The following PDS5B variants were observed in gnomAD, a reference collection of about 807,000 sequenced individuals.
The protein encoded by PDS5B is sister chromatid cohesion protein PDS5 homolog B.
Under a neutral mutation model 184.1 loss-of-function variants are expected in PDS5B, and 51 were observed. The observed-to-expected ratio is 0.28, with a 90% CI of 0.22 to 0.35. The LOEUF is 0.35. Ranked by LOEUF, PDS5B falls within the 10% of genes least tolerant of loss-of-function variation. The pLI, the probability that PDS5B is intolerant of heterozygous loss-of-function variation, is 1.00. For missense variants in PDS5B, 1,180 were observed against 1,723.3 expected (o/e 0.68, Z 5.58); for synonymous variants, 566 against 569.2 (o/e 0.99, Z 0.08).
chr13:32,716,628 C>A (rs1186583825), intron 19 of PDS5B, among the ~76,000 whole-genome samples: 1 of 146,678 alleles, frequency 6.8e-6, no homozygotes, highest in East Asian at 2.1e-4. Flanking sequence ...GGGGGTCAGC[C>A]CCCCGCCCGG....
intron 19 of PDS5B, among the ~76,000 whole-genome samples, chr13:32,723,128 C>CTATACATACAT (rs1491263429): frequency 6.6e-6 from 1 of 152,124 alleles, no homozygotes; most frequent in African/African-American, 2.4e-5. Flanking sequence ...TATACATACA[C>CTATACATACAT]TGAGAGCTAT....
At position 32,699,130 on chromosome 13, in the gene PDS5B, C is replaced by G. The variant is rs573292304; in HGVS notation, c.1601-600C>G. Among the ~76,000 whole-genome samples the G allele has an allele frequency of 3.9e-5, 6 of 152,274 alleles. No homozygotes were observed. In the South Asian group the frequency reaches 6.2e-4, roughly 16 times the overall value. On this transcript the variant is annotated intron_variant, in intron 15 of 34. Transcript: ENST00000315596. ...GATACCACAGTCAACGTTTTATTAG[C>G]TTTCATAAGTATTTTGATACATAGA...
chr13:32,641,662 G>C lies in PDS5B; in HGVS notation c.-19-7092G>C, dbSNP rs568569758. Among the ~76,000 whole-genome samples the C allele has an allele frequency of 2.0e-5, 3 of 151,814 alleles. No individual in the cohort carries two copies. The East Asian group carries it at 5.8e-4, about 29-fold the overall frequency. ...TGTTTTCCTTCTTTATCTCCCCTGT[G>C]GGCTCCCACCACCCCAATCACTATA... is the stretch of plus-strand genomic sequence containing the variant. On this transcript the variant is annotated intron_variant, in intron 1 of 34. Transcript: ENST00000315596.
intron 23 of PDS5B, 95 bp downstream of exon 23, chr13:32,742,822 T>C: frequency 9.1e-7 from 1 of 1,099,884 alleles, no homozygotes; most frequent in Non-Finnish European, 1.3e-6. Flanking sequence ...CTTTTTTTTT[T>C]AAATTAGAAT....
At chr13:32,587,698 G>A (rs555212521) in intron 1 of PDS5B, among the ~76,000 whole-genome samples, 5 of 152,344 alleles carry the variant, frequency 3.3e-5, no homozygotes, top group African/African-American at 1.2e-4. Flanking sequence ...CTCCACGCGC[G>A]TCTTCAACAG....
At chr13:32,744,426 T>C (rs1431935896) in intron 23 of PDS5B, among the ~76,000 whole-genome samples, 1 of 152,288 alleles carries the variant, frequency 6.6e-6, no homozygotes, top group East Asian at 1.9e-4. Context: ...CTCTGTCCTT[T>C]CCTTAAGTGG....
intron 13 of PDS5B, among the ~76,000 whole-genome samples, chr13:32,691,483 G>A (rs1301773034): frequency 1.3e-5 from 2 of 151,982 alleles, no homozygotes; most frequent in Admixed American, 1.3e-4. Flanking sequence ...AAATAATGCT[G>A]CTGTAAATAC....
At chr13:32,759,172 C>G (rs896341650) in intron 28 of PDS5B, among the ~76,000 whole-genome samples, 1 of 152,134 alleles carries the variant, frequency 6.6e-6, no homozygotes, top group Non-Finnish European at 1.5e-5. Context: ...CGTAATTTAG[C>G]TGAACATATT....
chr13:32,720,398 C>G (rs1276067923), intron 19 of PDS5B, among the ~76,000 whole-genome samples: 4 of 152,050 alleles, frequency 2.6e-5, no homozygotes, highest in Non-Finnish European at 2.9e-5. Context: ...TCTGCACTTT[C>G]AGGAACTTAT....
rs752733557 is a variant in PDS5B, at chr13:32,732,165, A to G, written c.2188A>G (p.Ile730Val). The G allele has an allele frequency of 6.2e-6, 10 of 1,609,070 alleles. No individual in the cohort carries two copies. Among genetic ancestry groups the G allele is most frequent in the African/African-American group, 1.3e-5 (1 of 74,852 alleles). The change falls in exon 20 of 35, where the codon ATT becomes GTT. Residue 730 changes from isoleucine to valine, a missense_variant. Physicochemically the swap from Ile to Val is conservative, Grantham distance 29. This residue lies in a region of PDS5B where 475 missense variants were observed against 691.5 expected (regional missense o/e 0.69). Transcript: ENST00000315596. ...ACCCCCCCGTCAAGCCAAATATGCC[A>G]TTCATTGTATCCATGCGATATTTTC... ...KGPPRQAKYAIHCIHAIFSSK... is the reference protein window; with the variant it reads ...KGPPRQAKYAVHCIHAIFSSK...
At chr13:32,699,657 G>T (rs941375103) in intron 15 of PDS5B, 73 bp from the exon 16 acceptor site, 2 of 824,510 alleles carry the variant, frequency 2.4e-6, no homozygotes, top group Non-Finnish European at 3.4e-6. Context: ...TAAAAGGAAT[G>T]AAAAATATTG....
intron 31 of PDS5B, among the ~76,000 whole-genome samples, chr13:32,769,278 G>T (rs1954696856): frequency 6.6e-6 from 1 of 152,212 alleles, no homozygotes; most frequent in Non-Finnish European, 1.5e-5. Flanking sequence ...TAATTAGGCA[G>T]TTCACATACA....
Position 32,659,193 on chromosome 13 carries a change from C to T in PDS5B, c.537C>T (p.Asp179=). The T allele has an allele frequency of 6.2e-7, 1 of 1,600,552 alleles. No homozygotes were observed. The highest frequency in any genetic ancestry group is 8.5e-7 in the Non-Finnish European group (1 of 1,171,058). The change falls in exon 6 of 35, where the codon GAC becomes GAT. Residue 179 remains aspartate (D), a synonymous_variant. Transcript: ENST00000315596. ...HNQKVHMHMV[D]LMSSIICEGD... is the part of the protein sequence containing the mutation. ...AGAAAGTCCATATGCACATGGTAGA[C>T]CTTATGAGCTCTATTATTTGTGAAG...
chr13:32,660,027 A>G (rs565671535), intron 6 of PDS5B, among the ~76,000 whole-genome samples: 37 of 151,962 alleles, frequency 2.4e-4, no homozygotes, highest in Admixed American at 2.3e-3. Context: ...TAGCAAGATT[A>G]GAGTTCAGAA....
intron 19 of PDS5B, among the ~76,000 whole-genome samples, chr13:32,715,814 A>G (rs1218276596): frequency 6.6e-6 from 1 of 152,094 alleles, no homozygotes; most frequent in African/African-American, 2.4e-5. Context: ...GCGCGCCGCC[A>G]CGCCTGACTG....
At chr13:32,610,829 A>G (rs1434368128) in intron 1 of PDS5B, among the ~76,000 whole-genome samples, 1 of 152,112 alleles carries the variant, frequency 6.6e-6, no homozygotes, top group Admixed American at 6.6e-5. Flanking sequence ...GAAATGAATT[A>G]ATACGTATTA....
At chr13:32,755,713 A>G (rs1954149600) in intron 25 of PDS5B, 129 bp from the exon 26 acceptor site, 4 of 536,992 alleles carry the variant, frequency 7.4e-6, no homozygotes, top group Non-Finnish European at 1.0e-5. Flanking sequence ...AACTGTTGGG[A>G]TGCAGAAAAT....
chr13:32,733,991 C>CACAT (rs1953221842), intron 20 of PDS5B, among the ~76,000 whole-genome samples: 1 of 150,608 alleles, frequency 6.6e-6, no homozygotes, highest in Admixed American at 6.6e-5. Flanking sequence ...TTAAAACACA[C>CACAT]ACACACACAC....
At chr13:32,734,814 A>G (rs1953265342) in intron 20 of PDS5B, among the ~76,000 whole-genome samples, 1 of 152,190 alleles carries the variant, frequency 6.6e-6, no homozygotes, top group Non-Finnish European at 1.5e-5. Context: ...ATGCCCAGGA[A>G]ATTGAAGTGG....
Sources: gnomAD v4.1 joint callset for allele counts (sites outside exome capture counted in the v4.1 genomes callset) on GRCh38, gnomAD v4.1.1 for gene constraint, gnomAD v4.1.1 regional missense constraint, MANE v1.5 for transcripts, NCBI Gene and HGNC (gene_info 2026-07-23, HGNC 2026-07-21) for gene names.